CDON: variants seen among roughly 807,000 people sequenced by gnomAD.
The protein encoded by CDON is cell adhesion molecule-related/down-regulated by oncogenes.
A neutral mutation model predicts 120.9 loss-of-function variants in CDON; 73 were observed. That is an observed-to-expected ratio of 0.60 (90% CI 0.50 to 0.73). The LOEUF (loss-of-function observed/expected upper bound fraction) is 0.73, where lower values mean the gene tolerates loss of function less well. CDON is among the 30% of genes least tolerant of loss of function. The pLI is 0.00. For missense variants in CDON, 1,470 were observed against 1,587.3 expected (o/e 0.93, Z 1.26); for synonymous variants, 566 against 573.5 (o/e 0.99, Z 0.19).
intron 15 of CDON, among the ~76,000 whole-genome samples, chr11:125,988,315 G>C (rs1946526192): frequency 6.6e-6 from 1 of 152,162 alleles, no homozygotes; most frequent in Admixed American, 6.5e-5. Context: ...GCTATCAGCA[G>C]TGCTAGTCTT....
chr11:125,961,385 C>G (rs1158711523), intron 19 of CDON, among the ~76,000 whole-genome samples: 1 of 152,068 alleles, frequency 6.6e-6, no homozygotes, highest in Non-Finnish European at 1.5e-5. Context: ...ACTCCAGAAC[C>G]AACTCAAATC....
At chr11:126,002,365 C>T (rs967237717) in intron 10 of CDON, among the ~76,000 whole-genome samples, 2 of 152,196 alleles carry the variant, frequency 1.3e-5, no homozygotes, top group African/African-American at 4.8e-5. Flanking sequence ...TGAAAATGAA[C>T]TCAAGATACA....
At chr11:125,996,281 G>C (rs1332515226) in intron 12 of CDON, among the ~76,000 whole-genome samples, 1 of 152,018 alleles carries the variant, frequency 6.6e-6, no homozygotes, top group Non-Finnish European at 1.5e-5. Context: ...GAATAGGTAA[G>C]TGGATTATGG....
Position 125,971,332 on chromosome 11 carries a change from G to A in CDON, c.3356+6972C>T, listed in dbSNP as rs533576657. Among the ~76,000 whole-genome samples the A allele has an allele frequency of 3.3e-5, 5 of 151,844 alleles. No individual in the cohort carries two copies. In the South Asian group the frequency reaches 6.3e-4, roughly 19 times the overall value. On this transcript the variant is annotated intron_variant, in intron 18 of 19. Transcript: ENST00000531738. ...TGGGAGGTGGAGCTTGCAGTGAGCC[G>A]AGATCGCACCACTGCACTCCAGCCT...
At chr11:125,983,059 C>T (rs182920885) in intron 16 of CDON, among the ~76,000 whole-genome samples, 9 of 152,260 alleles carry the variant, frequency 5.9e-5, no homozygotes, top group Non-Finnish European at 1.2e-4. Flanking sequence ...GGGGAGCATG[C>T]GTGAGAACTG....
At chr11:126,051,876 T>C (rs1948568188) in intron 1 of CDON, among the ~76,000 whole-genome samples, 1 of 152,070 alleles carries the variant, frequency 6.6e-6, no homozygotes. Context: ...CTTGAACTCC[T>C]GACCTCAGGT....
Position 125,959,019 on chromosome 11 carries a change from T to G in CDON, c.*1923A>C, listed in dbSNP as rs1416045789. ...CAGAGCTAACTGCATTTAAGCAACATGAAGAATAAATCCAGTATACTATAG... is the reference window on the plus strand; with the variant it reads ...CAGAGCTAACTGCATTTAAGCAACAGGAAGAATAAATCCAGTATACTATAG... On this transcript the variant is annotated 3_prime_UTR_variant, in exon 20 of 20. Coordinates refer to ENST00000531738, the MANE Select transcript of CDON (RefSeq NM_001378964.1). 6.6e-6 allele frequency: 1 copy of G among 152,184 alleles called. No homozygotes were observed. The highest frequency in any genetic ancestry group is 2.4e-5 in the African/African-American group (1 of 41,424). 9.4% of individuals were successfully genotyped at this position (152,184 alleles called of 1,614,324 possible).
chr11:126,022,443 G>A (rs930315207), intron 2 of CDON, among the ~76,000 whole-genome samples: 6 of 152,136 alleles, frequency 3.9e-5, no homozygotes, highest in Non-Finnish European at 5.9e-5. Context: ...AAATGGTTTC[G>A]TCTGTTATTT....
intron 8 of CDON, 145 bp downstream of exon 8, chr11:126,010,196 A>T (rs1286933519): frequency 4.6e-6 from 3 of 658,328 alleles, no homozygotes; most frequent in Non-Finnish European, 7.7e-6. Flanking sequence ...TGAAATACCA[A>T]GAAATACAGT....
chr11:126,060,729 G>GGCT (rs1398917993), intron 1 of CDON, among the ~76,000 whole-genome samples: 1 of 152,172 alleles, frequency 6.6e-6, no homozygotes, highest in African/African-American at 2.4e-5. Context: ...CAAAGCCCTA[G>GGCT]GACATTAGTT....
chr11:126,021,422 T>TAC lies in CDON; in HGVS notation c.173_174dup (p.Ile59ValfsTer25). On this transcript the variant is annotated frameshift_variant, in exon 3 of 20. Transcript: ENST00000531738. LOFTEE classifies it high-confidence loss of function. ...GTTTTTCCGTTATGCAGCCATGAGATACGAGTGGTCACAGGTTGAGCAGAA... is the reference window on the plus strand; with the variant it reads ...GTTTTTCCGTTATGCAGCCATGAGATACACGAGTGGTCACAGGTTGAGCAGAA... 6.2e-7 allele frequency: 1 copy of TAC among 1,614,154 alleles called. No homozygotes were observed. The highest frequency in any genetic ancestry group is 8.5e-7 in the Non-Finnish European group (1 of 1,180,022).
chr11:126,035,774 G>A (rs1047806747), intron 1 of CDON, among the ~76,000 whole-genome samples: 3 of 152,146 alleles, frequency 2.0e-5, no homozygotes, highest in Non-Finnish European at 4.4e-5. Flanking sequence ...ACAATGCCCT[G>A]ATGAAACTAG....
chr11:125,971,394 A>AT (rs1176521603), intron 18 of CDON, among the ~76,000 whole-genome samples: 10 of 143,600 alleles, frequency 7.0e-5, no homozygotes, highest in African/African-American at 2.7e-4. Flanking sequence ...AAATAAATAA[A>AT]TAAATAAATA....
chr11:125,972,906 G>GGCA (rs35088114), intron 18 of CDON, among the ~76,000 whole-genome samples: 132,510 of 151,652 alleles, frequency 0.87, 58,012 homozygotes, highest in East Asian at 0.99. Flanking sequence ...TATACTGTGG[G>GGCA]GCAGCTCCTC....
intron 1 of CDON, among the ~76,000 whole-genome samples, chr11:126,029,708 C>T (rs183624572): frequency 9.3e-4 from 141 of 152,218 alleles, no homozygotes; most frequent in Non-Finnish European, 1.8e-3. Context: ...AGCATGACCA[C>T]GAGAAAGTTC....
rs770600525 is a variant in CDON, at chr11:126,017,319, C to G, written c.697G>C (p.Val233Leu). The G allele has an allele frequency of 6.2e-7, 1 of 1,614,132 alleles. No homozygotes were observed. The highest frequency in any genetic ancestry group is 2.2e-5 in the East Asian group (1 of 44,872). Residue 233 changes from valine (V) to leucine (L), a missense_variant, in exon 6 of 20, where the codon GTT becomes CTT. Coordinates refer to ENST00000531738, the MANE Select transcript of CDON (RefSeq NM_001378964.1). ...AAGGTTACAGGGCTACGAGAAAGAA[C>G]AGCTAATGCCTGTGAATGGGTGGGG... ...LHPTHSQALAVLSRSPVTLEC... is the reference protein window; with the variant it reads ...LHPTHSQALALLSRSPVTLEC...
At chr11:125,991,771 T>C (rs1946637913) in intron 14 of CDON, among the ~76,000 whole-genome samples, 1 of 151,938 alleles carries the variant, frequency 6.6e-6, no homozygotes, top group Non-Finnish European at 1.5e-5. Context: ...AACTTGAAAA[T>C]ATAGAATAAG....
chr11:125,974,753 T>C (rs1164676131), intron 18 of CDON, among the ~76,000 whole-genome samples: 1 of 152,152 alleles, frequency 6.6e-6, no homozygotes, highest in East Asian at 1.9e-4. Flanking sequence ...AAGACCAGCA[T>C]TTTCATCTTT....
intron 4 of CDON, 118 bp downstream of exon 4, chr11:126,019,501 C>G: frequency 9.2e-7 from 1 of 1,090,550 alleles, no homozygotes; most frequent in Non-Finnish European, 1.4e-6. Context: ...TGTTTTAGTC[C>G]TCTCCACTCA....
Sources: gnomAD v4.1 joint callset for allele counts (sites outside exome capture counted in the v4.1 genomes callset) on GRCh38, gnomAD v4.1.1 for gene constraint, MANE v1.5 for transcripts, NCBI Gene and HGNC (gene_info 2026-07-23, HGNC 2026-07-21) for gene names.